ANKMY2: variants seen among roughly 807,000 people sequenced by gnomAD.
ANKMY2 encodes ankyrin repeat and MYND domain-containing protein 2.
A neutral mutation model predicts 50.4 loss-of-function variants in ANKMY2; 36 were observed. The ratio of observed to expected loss-of-function variants is 0.71; its 90% CI spans 0.55 to 0.94. The LOEUF (loss-of-function observed/expected upper bound fraction) is 0.94, where lower values mean the gene tolerates loss of function less well. Among genes scored for constraint, ANKMY2 ranks in the 40% least tolerant of loss-of-function variants. ANKMY2 has a pLI of 0.00. For missense variants in ANKMY2, 565 were observed against 524.0 expected (o/e 1.08, Z -0.76); for synonymous variants, 187 against 178.8 (o/e 1.05, Z -0.36).
intron 7 of ANKMY2, among the ~76,000 whole-genome samples, chr7:16,605,932 C>G (rs1781153216): frequency 6.6e-6 from 1 of 151,994 alleles, no homozygotes; most frequent in East Asian, 1.9e-4. Context: ...ATCTGCCTGC[C>G]TTGGCCTCCC....
At chr7:16,607,580 A>T (rs115742522) in intron 7 of ANKMY2, among the ~76,000 whole-genome samples, 2,214 of 152,008 alleles carry the variant, frequency 0.015, 61 homozygotes, top group African/African-American at 0.05. Flanking sequence ...AAATAAATAA[A>T]AATAATAATA....
At chr7:16,616,579 C>T (rs568525380) in intron 4 of ANKMY2, among the ~76,000 whole-genome samples, 4 of 152,048 alleles carry the variant, frequency 2.6e-5, no homozygotes, top group African/African-American at 9.7e-5. Context: ...GGCGCCCCCC[C>T]CTCCCTAGCT....
rs575237254 is a variant in ANKMY2 at position 16,604,014 on chromosome 7, A to G, written c.1011+707T>C. 1.4e-3 allele frequency among the ~76,000 whole-genome samples: 215 copies of G among 152,364 alleles called. 1 individual carries two copies. Among genetic ancestry groups the G allele is most frequent in the African/African-American group, 5.0e-3 (208 of 41,580 alleles). The stretch of plus-strand genomic sequence containing the variant: ...ATTCTGGAATTTCATTTAATTCAGG[A>G]AACAGGTTCAGAGAAGTAAGTCATT... On this transcript the variant is annotated intron_variant, in intron 8 of 9. Transcript: ENST00000306999.
chr7:16,617,174 T>C (rs1423373395), intron 4 of ANKMY2, among the ~76,000 whole-genome samples: 1 of 152,254 alleles, frequency 6.6e-6, no homozygotes, highest in Non-Finnish European at 1.5e-5. Flanking sequence ...TTCCCTGGTT[T>C]CTTCATACAC....
intron 2 of ANKMY2, among the ~76,000 whole-genome samples, 196 bp downstream of exon 2, chr7:16,636,195 T>A (rs1456507326): frequency 1.4e-5 from 2 of 146,544 alleles, no homozygotes; most frequent in African/African-American, 5.1e-5. Context: ...CCCAGCTACT[T>A]GGGCGGCTGA....
chr7:16,623,307 G>T (rs575645210), intron 4 of ANKMY2, among the ~76,000 whole-genome samples: 1 of 152,086 alleles, frequency 6.6e-6, no homozygotes, highest in East Asian at 1.9e-4. Context: ...ATATTAAAAT[G>T]GAATGAAAAC....
chr7:16,603,173 G>A (rs1453499147), intron 8 of ANKMY2, among the ~76,000 whole-genome samples: 3 of 152,148 alleles, frequency 2.0e-5, no homozygotes, highest in South Asian at 2.1e-4. Context: ...TTATGAACCC[G>A]CTATGTGCCA....
intron 4 of ANKMY2, among the ~76,000 whole-genome samples, chr7:16,624,746 T>C (rs1781486833): frequency 6.6e-6 from 1 of 152,214 alleles, no homozygotes; most frequent in African/African-American, 2.4e-5. Flanking sequence ...GTTATAAGCA[T>C]TTGTGAGCAA....
intron 2 of ANKMY2, among the ~76,000 whole-genome samples, chr7:16,633,005 T>C (rs1781609709): frequency 6.6e-6 from 1 of 152,204 alleles, no homozygotes; most frequent in Non-Finnish European, 1.5e-5. Context: ...TGGTTAATGA[T>C]GTTGAGCCTT....
At chr7:16,643,843 A>C (rs1364894567) in intron 1 of ANKMY2, among the ~76,000 whole-genome samples, 12 of 134,752 alleles carry the variant, frequency 8.9e-5, no homozygotes, top group Admixed American at 2.2e-4. Flanking sequence ...ACATAGGGAG[A>C]CCCCCACCAC....
chr7:16,636,568 G>C lies in ANKMY2; in HGVS notation c.68-113C>G, dbSNP rs1452125860. The C allele has an allele frequency of 7.5e-6, 5 of 662,848 alleles. No homozygotes were observed. The Admixed American group carries it at 1.7e-4, about 22-fold the overall frequency. The allele number at this position is 662,848 out of a possible 1,614,324, so 41.1% of individuals were successfully genotyped here. Reference sequence around the variant, plus strand: ...TTATCTGTAAGAGTACATCTAGTCAGTGTAGGTTGCTAAGAAATGAAACAT... The same window carrying C: ...TTATCTGTAAGAGTACATCTAGTCACTGTAGGTTGCTAAGAAATGAAACAT... On this transcript the variant is annotated intron_variant, in intron 1 of 9. Transcript: ENST00000306999.
At chr7:16,638,151 C>T (rs148455570) in intron 1 of ANKMY2, among the ~76,000 whole-genome samples, 1 of 152,226 alleles carries the variant, frequency 6.6e-6, no homozygotes, top group Non-Finnish European at 1.5e-5. Context: ...CCATAAACAC[C>T]AAGCAATTCT....
At chr7:16,637,522 C>T (rs866915178) in intron 1 of ANKMY2, among the ~76,000 whole-genome samples, 5 of 152,288 alleles carry the variant, frequency 3.3e-5, no homozygotes, top group Middle Eastern at 6.8e-3. Context: ...ATCTACACGT[C>T]CCTGGAGTAT....
chr7:16,632,108 T>C (rs1781596203), intron 2 of ANKMY2, among the ~76,000 whole-genome samples: 1 of 140,682 alleles, frequency 7.1e-6, no homozygotes, highest in African/African-American at 2.6e-5. Flanking sequence ...TTCCTTCCTC[T>C]CTCCCTCCCT....
chr7:16,620,721 AC>A (rs1287845335), intron 4 of ANKMY2, among the ~76,000 whole-genome samples: 1 of 152,204 alleles, frequency 6.6e-6, no homozygotes, highest in Non-Finnish European at 1.5e-5. Context: ...CATTAAATAT[AC>A]ATAAGCTAAA....
At chr7:16,637,783 A>C (rs1781687717) in intron 1 of ANKMY2, among the ~76,000 whole-genome samples, 1 of 152,244 alleles carries the variant, frequency 6.6e-6, no homozygotes, top group Non-Finnish European at 1.5e-5. Flanking sequence ...AAGATGCTTC[A>C]TCCAAATCCC....
intron 2 of ANKMY2, among the ~76,000 whole-genome samples, chr7:16,631,610 T>A (rs1781585086): frequency 6.6e-6 from 1 of 151,904 alleles, no homozygotes; most frequent in Non-Finnish European, 1.5e-5. Context: ...ATTATTCCAG[T>A]TTTTCTACTT....
At chr7:16,616,333 AATG>A (rs907066724) in intron 4 of ANKMY2, among the ~76,000 whole-genome samples, 1 of 152,170 alleles carries the variant, frequency 6.6e-6, no homozygotes, top group East Asian at 1.9e-4. Flanking sequence ...TTCTTACTAT[AATG>A]ATAATATTAA....
chr7:16,634,736 T>C (rs778579030), intron 2 of ANKMY2, among the ~76,000 whole-genome samples: 1 of 152,148 alleles, frequency 6.6e-6, no homozygotes, highest in African/African-American at 2.4e-5. Flanking sequence ...GAACATTGCA[T>C]AGAGGACAAG....
Sources: allele counts gnomAD v4.1 joint callset (sites outside exome capture counted in the v4.1 genomes callset), GRCh38; gene constraint gnomAD v4.1.1; transcripts MANE v1.5; gene names NCBI Gene and HGNC (gene_info 2026-07-23, HGNC 2026-07-21).